INPP4B: variants seen among roughly 807,000 people sequenced by gnomAD.
INPP4B encodes the protein inositol polyphosphate-4-phosphatase type II B, also known as inositol polyphosphate 4-phosphatase type II.
In INPP4B, 55 loss-of-function variants were observed where a neutral mutation model predicts 122.5. That is an observed-to-expected ratio of 0.45 (90% CI 0.36 to 0.56). The LOEUF (loss-of-function observed/expected upper bound fraction) is 0.56, where lower values mean the gene tolerates loss of function less well. Ranked by LOEUF, INPP4B falls within the 20% of genes least tolerant of loss-of-function variation. INPP4B has a pLI of 0.00. For synonymous variants in INPP4B, 403 were observed against 388.7 expected (o/e 1.04, Z -0.43); for missense variants, 1,000 against 1,097.7 (o/e 0.91, Z 1.26).
rs371956118 is a variant in INPP4B, at chr4:142,561,554, G to A, written c.-190-98828C>T. ...CTGCCTCAGCCTCTGGAGTAGCTGGGACTACAAATGTGAGCCACCACACCT... is the reference window on the plus strand; with the variant it reads ...CTGCCTCAGCCTCTGGAGTAGCTGGAACTACAAATGTGAGCCACCACACCT... On this transcript the variant is annotated intron_variant, in intron 2 of 25. Transcript: ENST00000262992. Among the ~76,000 whole-genome samples, 18 of 152,254 alleles carry A rather than the reference G, an allele frequency of 1.2e-4. No homozygotes were observed. The East Asian group carries it at 2.7e-3, about 23-fold the overall frequency.
intron 2 of INPP4B, among the ~76,000 whole-genome samples, chr4:142,601,677 TA>T (rs1739963831): frequency 6.6e-6 from 1 of 151,538 alleles, no homozygotes; most frequent in Admixed American, 6.6e-5. Flanking sequence ...AATTCCAAAT[TA>T]GCAAAAGATA....
chr4:142,276,210 G>A (rs1379878816), intron 9 of INPP4B, among the ~76,000 whole-genome samples: 1 of 151,572 alleles, frequency 6.6e-6, no homozygotes. Flanking sequence ...CCTTCCTCCA[G>A]TATCTGTTCC....
chr4:142,646,095 T>C (rs1751718408), intron 2 of INPP4B, among the ~76,000 whole-genome samples: 2 of 152,206 alleles, frequency 1.3e-5, no homozygotes, highest in South Asian at 2.1e-4. Context: ...TTTTGGATGA[T>C]GGACCCTTGC....
chr4:142,236,192 G>A (rs1053728452), intron 12 of INPP4B, among the ~76,000 whole-genome samples: 6 of 152,062 alleles, frequency 3.9e-5, no homozygotes, highest in Non-Finnish European at 7.4e-5. Context: ...AGGATAAAAC[G>A]GTGATCATTA....
chr4:142,509,703 A>C (rs1824470485), intron 2 of INPP4B, among the ~76,000 whole-genome samples: 1 of 152,192 alleles, frequency 6.6e-6, no homozygotes, highest in Non-Finnish European at 1.5e-5. Context: ...AAAGACTTAA[A>C]TATGATGGAT....
At chr4:142,589,319 C>T (rs2150238567) in intron 2 of INPP4B, among the ~76,000 whole-genome samples, 1 of 152,100 alleles carries the variant, frequency 6.6e-6, no homozygotes, top group East Asian at 1.9e-4. Flanking sequence ...AAATCAAAAA[C>T]TTCCTCTGCA....
chr4:142,428,966 C>T (rs1414583376), intron 5 of INPP4B, among the ~76,000 whole-genome samples: 1 of 151,954 alleles, frequency 6.6e-6, no homozygotes, highest in Non-Finnish European at 1.5e-5. Context: ...GCAAAACTAT[C>T]ATCACTGAAC....
At chr4:142,772,498 A>G (rs1561051940) in intron 1 of INPP4B, among the ~76,000 whole-genome samples, 1 of 152,176 alleles carries the variant, frequency 6.6e-6, no homozygotes, top group Non-Finnish European at 1.5e-5. Context: ...TAATGCATAG[A>G]TATCAGTAGA....
At chr4:142,825,712 G>T (rs1406394755) in intron 1 of INPP4B, among the ~76,000 whole-genome samples, 2 of 152,166 alleles carry the variant, frequency 1.3e-5, no homozygotes, top group East Asian at 1.9e-4. Flanking sequence ...TGTGAACTAG[G>T]TTGAACTTTA....
chr4:142,506,653 A>G (rs1824064972), intron 2 of INPP4B, among the ~76,000 whole-genome samples: 1 of 152,194 alleles, frequency 6.6e-6, no homozygotes, highest in Non-Finnish European at 1.5e-5. Flanking sequence ...GGAAGAGTGA[A>G]AAAAGACAAG....
chr4:142,419,084 T>C (rs1265479811), intron 5 of INPP4B, among the ~76,000 whole-genome samples: 1 of 152,122 alleles, frequency 6.6e-6, no homozygotes, highest in Non-Finnish European at 1.5e-5. Flanking sequence ...GTTTGGGGAT[T>C]TGAGTAACTA....
At position 142,831,970 on chromosome 4, in the gene INPP4B, C is replaced by G. The variant is rs756477621; in HGVS notation, c.-254+14239G>C. ...CCTTAGCAGCATTAGCACCATCCAGCGTAAACAAACCCTTCCTAAAAATAA... is the reference window on the plus strand; with the variant it reads ...CCTTAGCAGCATTAGCACCATCCAGGGTAAACAAACCCTTCCTAAAAATAA... On this transcript the variant is annotated intron_variant, in intron 1 of 25. Coordinates refer to ENST00000262992, the MANE Select transcript of INPP4B (RefSeq NM_001101669.3). 5.3e-5 allele frequency among the ~76,000 whole-genome samples: 8 copies of G among 152,148 alleles called. No individual in the cohort carries two copies. In the East Asian group the frequency reaches 1.5e-3, roughly 29 times the overall value.
intron 3 of INPP4B, among the ~76,000 whole-genome samples, chr4:142,458,965 G>A (rs1277211885): frequency 6.6e-6 from 1 of 152,190 alleles, no homozygotes; most frequent in East Asian, 1.9e-4. Context: ...CCTGGCTCCC[G>A]ACTTTCAGGA....
At chr4:142,731,806 G>C (rs931236066) in intron 1 of INPP4B, among the ~76,000 whole-genome samples, 2 of 152,086 alleles carry the variant, frequency 1.3e-5, no homozygotes, top group Admixed American at 6.6e-5. Context: ...CATCTAACAT[G>C]ATATAGGAAC....
chr4:142,259,344 TAAAGTA>T (rs1206177398), intron 11 of INPP4B, among the ~76,000 whole-genome samples: 2 of 149,188 alleles, frequency 1.3e-5, no homozygotes. Flanking sequence ...CCCTAAAACT[TAAAGTA>T]TAATAATAAT....
intron 14 of INPP4B, among the ~76,000 whole-genome samples, chr4:142,199,828 T>A (rs1839920261): frequency 6.6e-6 from 1 of 152,064 alleles, no homozygotes; most frequent in African/African-American, 2.4e-5. Context: ...CAGTGTATGT[T>A]TCGGTACTAC....
chr4:142,704,324 G>A (rs545174367), intron 2 of INPP4B, among the ~76,000 whole-genome samples: 1 of 152,276 alleles, frequency 6.6e-6, no homozygotes, highest in South Asian at 2.1e-4. Context: ...TCTGCCACAA[G>A]AATTTACTAT....
At chr4:142,313,186 G>GA (rs1193462924) in intron 8 of INPP4B, among the ~76,000 whole-genome samples, 3 of 150,940 alleles carry the variant, frequency 2.0e-5, no homozygotes, top group East Asian at 2.0e-4. Flanking sequence ...ATGAGTGAGA[G>GA]AAAAAAATTG....
Position 142,252,507 on chromosome 4 carries a change from C to T in INPP4B, c.688+7985G>A, listed in dbSNP as rs181245172. 4.8e-3 allele frequency among the ~76,000 whole-genome samples: 723 copies of T among 152,184 alleles called. 9 individuals carry two copies. Among genetic ancestry groups the T allele is most frequent in the Non-Finnish European group, 7.8e-3 (529 of 67,998 alleles). Reference sequence around the variant, plus strand: ...CCGGCCAGTAGTCATTATTTACTAACAGTCATTTAATTTACATTATCATTT... The same window carrying T: ...CCGGCCAGTAGTCATTATTTACTAATAGTCATTTAATTTACATTATCATTT... On this transcript the variant is annotated intron_variant, in intron 11 of 25. Transcript: ENST00000262992.
Sources: allele counts gnomAD v4.1 joint callset (sites outside exome capture counted in the v4.1 genomes callset), GRCh38; gene constraint gnomAD v4.1.1; transcripts MANE v1.5; gene names NCBI Gene and HGNC (gene_info 2026-07-23, HGNC 2026-07-21).